The following HIF1A variants were observed in gnomAD, a reference collection of about 807,000 sequenced individuals.
HIF1A encodes hypoxia inducible factor 1 subunit alpha, also known as hypoxia-inducible factor 1-alpha.
A neutral mutation model predicts 92.7 loss-of-function variants in HIF1A; 24 were observed. The ratio of observed to expected loss-of-function variants is 0.26; its 90% CI spans 0.19 to 0.36. The LOEUF is 0.36. HIF1A is among the 10% of genes least tolerant of loss of function. The pLI is 1.00. For synonymous variants in HIF1A, 319 were observed against 338.7 expected, an observed-to-expected ratio of 0.94 and a Z score of 0.64; for missense variants, 799 against 998.5, an observed-to-expected ratio of 0.80 and a Z score of 2.69.
At chr14:61,719,510 T>C (rs2044401809) in intron 1 of HIF1A, among the ~76,000 whole-genome samples, 1 of 152,246 alleles carries the variant, frequency 6.6e-6, no homozygotes, top group South Asian at 2.1e-4. Flanking sequence ...AGGGTAATGT[T>C]GGCACATGGT....
chr14:61,707,470 C>A (rs2044253023), intron 1 of HIF1A, among the ~76,000 whole-genome samples: 1 of 152,002 alleles, frequency 6.6e-6, no homozygotes, highest in Admixed American at 6.6e-5. Flanking sequence ...CCCCACCCCA[C>A]AACAGGCCCC....
At chr14:61,721,476 C>G in intron 2 of HIF1A, 33 bp from the exon 3 acceptor site, 1 of 1,569,418 alleles carries the variant, frequency 6.4e-7, no homozygotes, top group Non-Finnish European at 8.7e-7. Flanking sequence ...AACTTTTTAA[C>G]TAATTATTTT....
At chr14:61,724,378 T>TCTCTCTCTCTCTCTCTCC (rs1470158587) in intron 4 of HIF1A, among the ~76,000 whole-genome samples, 1 of 149,674 alleles carries the variant, frequency 6.7e-6, no homozygotes, top group Admixed American at 6.7e-5. Flanking sequence ...TCTCTCTCTC[T>TCTCTCTCTCTCTCTCTCC]CTCCCCCTCC....
chr14:61,745,913 T>G, intron 14 of HIF1A, 96 bp downstream of exon 14: 1 of 1,154,034 alleles, frequency 8.7e-7, no homozygotes, highest in Non-Finnish European at 1.2e-6. Context: ...TGACTTTGGT[T>G]CCTTAGCAAG....
intron 11 of HIF1A, 22 bp from the exon 12 acceptor site, chr14:61,740,733 T>C: frequency 6.3e-7 from 1 of 1,585,698 alleles, no homozygotes; most frequent in Non-Finnish European, 8.6e-7. Flanking sequence ...TTGTAAAAAC[T>C]CATGTATTTG....
In HIF1A at chr14:61,746,392, C is replaced by CTTTTTTTTTTTTTTTTT. The variant is rs754879947; in HGVS notation, c.2330-536_2330-520dup. ...TGAAATTTGTGAACTTTTATGACTT[C>CTTTTTTTTTTTTTTTTT]TTTTTTTTTTTTTTTTTTTTTTGAG... On this transcript the variant is annotated intron_variant, in intron 14 of 14. Transcript: ENST00000337138. 8.1e-5 allele frequency among the ~76,000 whole-genome samples: 4 copies of CTTTTTTTTTTTTTTTTT among 49,494 alleles called. 1 individual carries two copies. The highest frequency in any genetic ancestry group is 2.0e-4 in the African/African-American group (4 of 20,088). The allele number at this position is 49,494 out of a possible 152,430, so 32.5% of individuals were successfully genotyped here.
intron 1 of HIF1A, among the ~76,000 whole-genome samples, chr14:61,714,449 A>G (rs949805664): frequency 2.0e-5 from 3 of 152,176 alleles, no homozygotes; most frequent in African/African-American, 7.2e-5. Context: ...TGGATTTTCC[A>G]TTTGTTTTCC....
intron 6 of HIF1A, among the ~76,000 whole-genome samples, chr14:61,731,666 TTAC>T (rs1340949567): frequency 6.6e-6 from 1 of 152,226 alleles, no homozygotes; most frequent in Non-Finnish European, 1.5e-5. Context: ...GGCTTAAAAG[TTAC>T]TACATAAAGA....
Position 61,741,096 on chromosome 14 carries a change from C to T in HIF1A, c.2001C>T (p.Ala667=), listed in dbSNP as rs1305519778. The change falls in exon 12 of 15, where the codon GCC becomes GCT. Residue 667 remains alanine (A), a synonymous_variant. Coordinates refer to ENST00000337138, the MANE Select transcript of HIF1A (RefSeq NM_001530.4). ...SPYRDTQSRT[A]SPNRAGKGVI... ...ATAGAGATACTCAAAGTCGGACAGC[C>T]TCACCAAACAGAGCAGGAAAAGGAG... 3.1e-6 allele frequency: 5 copies of T among 1,613,982 alleles called. No individual in the cohort carries two copies. Among genetic ancestry groups the T allele is most frequent in the Non-Finnish European group, 4.2e-6 (5 of 1,179,872 alleles).
chr14:61,702,261 C>G (rs1212166453), intron 1 of HIF1A, among the ~76,000 whole-genome samples: 3 of 116,930 alleles, frequency 2.6e-5, no homozygotes, highest in Non-Finnish European at 5.3e-5. Flanking sequence ...AACCCCGTCT[C>G]TACTAAAAAT....
At chr14:61,733,475 T>A (rs1223348285) in intron 7 of HIF1A, among the ~76,000 whole-genome samples, 4 of 152,210 alleles carry the variant, frequency 2.6e-5, no homozygotes, top group African/African-American at 9.6e-5. Context: ...CAAGATAAGT[T>A]AAACTTTGGA....
At chr14:61,728,538 A>C (rs902314478) in intron 6 of HIF1A, among the ~76,000 whole-genome samples, 2 of 152,252 alleles carry the variant, frequency 1.3e-5, no homozygotes, top group Non-Finnish European at 2.9e-5. Context: ...TATAATGCTT[A>C]TTGTGGTTTA....
rs930943026 is a variant in HIF1A, at chr14:61,738,346, T to C, written c.1509T>C (p.Asp503=). Residue 503 remains aspartate, a synonymous_variant, in exon 10 of 15, where the codon GAT becomes GAC. Coordinates refer to ENST00000337138, the MANE Select transcript of HIF1A (RefSeq NM_001530.4). The part of the protein sequence containing the change: ...QIQDQTPSPS[D]GSTRQSSPEP... The stretch of plus-strand genomic sequence containing the variant: ...AGGATCAGACACCTAGTCCTTCCGA[T>C]GGAAGCACTAGACAAAGTTCACCTG... 1.9e-6 allele frequency: 3 copies of C among 1,611,084 alleles called. No homozygotes were observed. Among genetic ancestry groups the C allele is most frequent in the African/African-American group, 1.3e-5 (1 of 74,780 alleles).
At chr14:61,746,900 G>A in intron 14 of HIF1A, 34 bp from the exon 15 acceptor site, 5 of 1,514,080 alleles carry the variant, frequency 3.3e-6, no homozygotes, top group Non-Finnish European at 4.5e-6. Flanking sequence ...TTGACTAGAT[G>A]AATGTATACT....
In HIF1A at chr14:61,746,934, AT is replaced by A; in HGVS notation, c.2333del (p.Leu778Ter). The A allele has an allele frequency of 3.1e-6, 5 of 1,597,238 alleles. No homozygotes were observed. The highest frequency in any genetic ancestry group is 4.3e-6 in the Non-Finnish European group (5 of 1,174,518). ...CTTAGGTATCTCTTTTGTTTTTCAG[AT>A]TTAGCATGTAGACTGCTGGGGCAAT... ...EQKTIILIPS[D>X]LACRLLGQSM... On this transcript the variant is annotated frameshift_variant and splice_region_variant, in exon 15 of 15. Coordinates refer to ENST00000337138, the MANE Select transcript of HIF1A (RefSeq NM_001530.4). LOFTEE classifies it high-confidence loss of function.
In HIF1A at chr14:61,741,061, T is replaced by C. The variant is rs1442800278; in HGVS notation, c.1966T>C (p.Ser656Pro). Residue 656 changes from serine to proline, a missense_variant, in exon 12 of 15, where the codon TCA becomes CCA. By Grantham distance (74) the Ser-to-Pro change is moderately conservative. Around this residue, in one of 2 missense-constraint regions of HIF1A, gnomAD observed 283 missense variants for 277.5 expected, o/e 1.02. Coordinates refer to ENST00000337138, the MANE Select transcript of HIF1A (RefSeq NM_001530.4). ...ACATAAAGAAACTACTAGTGCCACA[T>C]CATCACCATATAGAGATACTCAAAG... ...HIHKETTSAT[S>P]SPYRDTQSRT... 5 of 1,613,826 alleles carry C rather than the reference T, an allele frequency of 3.1e-6. No individual in the cohort carries two copies. In the African/African-American group the frequency reaches 4.0e-5, roughly 13 times the overall value.
Position 61,720,567 on chromosome 14 carries a change from A to G in HIF1A, c.221A>G (p.Asp74Gly), listed in dbSNP as rs2044415066. The G allele has an allele frequency of 3.1e-6, 5 of 1,593,302 alleles. No individual in the cohort carries two copies. The highest frequency in any genetic ancestry group is 4.3e-6 in the Non-Finnish European group (5 of 1,170,568). Residue 74 changes from aspartate (D) to glycine (G), a missense_variant, in exon 2 of 15, where the codon GAT becomes GGT. Around this residue, in one of 2 missense-constraint regions of HIF1A, gnomAD observed 516 missense variants for 721.0 expected, o/e 0.72. Coordinates refer to ENST00000337138, the MANE Select transcript of HIF1A (RefSeq NM_001530.4). The stretch of plus-strand genomic sequence containing the variant: ...TATTTGCGTGTGAGGAAACTTCTGG[A>G]TGCTGGTGAGTTATTTTACAAGGGT... Reference protein sequence around the residue: ...ISYLRVRKLLDAGDLDIEDDM... With the variant: ...ISYLRVRKLLGAGDLDIEDDM...
chr14:61,734,657 C>T (rs116606619), intron 8 of HIF1A, among the ~76,000 whole-genome samples: 1,827 of 152,210 alleles, frequency 0.012, 31 homozygotes, highest in African/African-American at 0.042. Context: ...CATAGCTCTA[C>T]CACTCATTAG....
chr14:61,714,143 A>C (rs1401383247), intron 1 of HIF1A, among the ~76,000 whole-genome samples: 3 of 152,198 alleles, frequency 2.0e-5, no homozygotes, highest in Non-Finnish European at 4.4e-5. Flanking sequence ...GCTGTGTGTA[A>C]GGAGTATATC....
Sources: gnomAD v4.1 joint callset for allele counts (sites outside exome capture counted in the v4.1 genomes callset) on GRCh38, gnomAD v4.1.1 for gene constraint, gnomAD v4.1.1 regional missense constraint, MANE v1.5 for transcripts, NCBI Gene and HGNC (gene_info 2026-07-23, HGNC 2026-07-21) for gene names.